PPP1R12A: variants seen among roughly 807,000 people sequenced by gnomAD.
PPP1R12A encodes the protein myosin binding subunit.
In PPP1R12A, 19 loss-of-function variants were observed where a neutral mutation model predicts 139.6. The observed-to-expected ratio is 0.14, with a 90% CI of 0.09 to 0.20. The LOEUF (loss-of-function observed/expected upper bound fraction) is 0.20. PPP1R12A is among the 10% of genes least tolerant of loss of function. The pLI is 1.00. For synonymous variants in PPP1R12A, 427 were observed against 420.6 expected (o/e 1.02, Z -0.19); for missense variants, 925 against 1,211.5 (o/e 0.76, Z 3.51).
intron 1 of PPP1R12A, among the ~76,000 whole-genome samples, chr12:79,906,549 C>A (rs1886133812): frequency 6.6e-6 from 1 of 151,982 alleles, no homozygotes; most frequent in African/African-American, 2.4e-5. Flanking sequence ...GGAAAAAAAG[C>A]AGCTTGCTTT....
chr12:79,813,123 T>C (rs1410526464), intron 9 of PPP1R12A, among the ~76,000 whole-genome samples: 1 of 152,216 alleles, frequency 6.6e-6, no homozygotes, highest in Non-Finnish European at 1.5e-5. Flanking sequence ...TATAAAAGTG[T>C]TATCCTACAG....
intron 1 of PPP1R12A, among the ~76,000 whole-genome samples, chr12:79,893,456 A>G (rs1238587902): frequency 1.3e-5 from 2 of 152,268 alleles, no homozygotes; most frequent in Admixed American, 6.5e-5. Flanking sequence ...AGGCTCTCAA[A>G]AGCAAGAACC....
intron 22 of PPP1R12A, among the ~76,000 whole-genome samples, chr12:79,785,590 C>T (rs546800460): frequency 1.3e-5 from 2 of 152,226 alleles, no homozygotes; most frequent in African/African-American, 4.8e-5. Flanking sequence ...TGCAGAAATA[C>T]GTTTATGCTA....
At chr12:79,839,543 G>A (rs1592695245) in intron 3 of PPP1R12A, among the ~76,000 whole-genome samples, 1 of 152,162 alleles carries the variant, frequency 6.6e-6, no homozygotes, top group African/African-American at 2.4e-5. Flanking sequence ...CAAGTCGTGG[G>A]AGGGACTCCG....
chr12:79,881,771 G>GC (rs1466410337), intron 1 of PPP1R12A, among the ~76,000 whole-genome samples: 5 of 152,160 alleles, frequency 3.3e-5, no homozygotes, highest in Non-Finnish European at 7.3e-5. Context: ...TCAATGCCTG[G>GC]CTTCAAAGTT....
At chr12:79,851,439 G>A (rs1290157312) in intron 2 of PPP1R12A, among the ~76,000 whole-genome samples, 2 of 152,154 alleles carry the variant, frequency 1.3e-5, no homozygotes, top group Non-Finnish European at 2.9e-5. Context: ...AAAAATAACA[G>A]TTCTTTTCTA....
chr12:79,897,768 T>C (rs1473694562), intron 1 of PPP1R12A, among the ~76,000 whole-genome samples: 3 of 152,204 alleles, frequency 2.0e-5, no homozygotes, highest in Non-Finnish European at 4.4e-5. Context: ...TCATTGTGAA[T>C]TCCTGACCCT....
At chr12:79,873,995 G>A (rs968997965) in intron 1 of PPP1R12A, among the ~76,000 whole-genome samples, 2 of 152,084 alleles carry the variant, frequency 1.3e-5, no homozygotes, top group African/African-American at 4.8e-5. Flanking sequence ...AGCAATTAAC[G>A]CCAGGCGCGG....
Position 79,786,368 on chromosome 12 carries a change from A to G in PPP1R12A, c.2907+6T>C. The G allele has an allele frequency of 6.6e-7, 1 of 1,511,880 alleles. No individual in the cohort carries two copies. Among genetic ancestry groups the G allele is most frequent in the South Asian group, 1.3e-5 (1 of 79,944 alleles). 93.7% of individuals were successfully genotyped at this position (1,511,880 alleles called of 1,614,324 possible). A position where few individuals can be genotyped will look rare whatever the true frequency, so the allele number is the denominator to read the frequency against. ...TTGAGAGTAACAAAAAGAAAAGGGT[A>G]CAAACCTGGGTGGCCTTTTCCAACT... On this transcript the variant is annotated splice_donor_region_variant and intron_variant, in intron 22 of 24. Transcript: ENST00000450142.
At chr12:79,915,210 T>G (rs1013728271) in intron 1 of PPP1R12A, among the ~76,000 whole-genome samples, 1 of 152,150 alleles carries the variant, frequency 6.6e-6, no homozygotes, top group African/African-American at 2.4e-5. Context: ...AGACTCCAAT[T>G]ACTATACTGT....
At chr12:79,803,101 T>G (rs992883072) in intron 14 of PPP1R12A, among the ~76,000 whole-genome samples, 21 of 152,342 alleles carry the variant, frequency 1.4e-4, no homozygotes, top group African/African-American at 5.0e-4. Context: ...CTAACTGAAA[T>G]ACATAAAATC....
intron 20 of PPP1R12A, 101 bp from the exon 21 acceptor site, chr12:79,788,884 G>A: frequency 3.1e-6 from 3 of 983,384 alleles, no homozygotes; most frequent in Non-Finnish European, 4.3e-6. Flanking sequence ...CAAAAGAGTA[G>A]GTCACAGTCT....
At chr12:79,832,207 A>G (rs3789989) in intron 4 of PPP1R12A, 125 bp downstream of exon 4, 28,795 of 846,852 alleles carry the variant, frequency 0.034, 2,672 homozygotes, top group East Asian at 0.33. Flanking sequence ...TTTCTTCCTG[A>G]AAACAGGCAT....
chr12:79,889,802 G>A (rs1352548028), intron 1 of PPP1R12A, among the ~76,000 whole-genome samples: 1 of 152,096 alleles, frequency 6.6e-6, no homozygotes, highest in Non-Finnish European at 1.5e-5. Context: ...CATAATTTTG[G>A]AGTCAGAAGT....
intron 1 of PPP1R12A, among the ~76,000 whole-genome samples, chr12:79,890,962 C>T (rs1272217524): frequency 2.0e-5 from 3 of 149,498 alleles, no homozygotes; most frequent in Non-Finnish European, 3.0e-5. Flanking sequence ...CTCTCTCTCT[C>T]TCTTTCTCTC....
At chr12:79,898,149 T>C (rs899889698) in intron 1 of PPP1R12A, among the ~76,000 whole-genome samples, 10 of 152,270 alleles carry the variant, frequency 6.6e-5, no homozygotes, top group South Asian at 2.1e-4. Flanking sequence ...ATCCCACTTA[T>C]AATAAATATC....
At chr12:79,801,059 T>C (rs951855099) in intron 14 of PPP1R12A, among the ~76,000 whole-genome samples, 1 of 151,320 alleles carries the variant, frequency 6.6e-6, no homozygotes, top group Admixed American at 6.6e-5. Context: ...AAAAGGCTCT[T>C]TCTTGGCTGG....
chr12:79,839,635 C>T (rs184483031), intron 3 of PPP1R12A, among the ~76,000 whole-genome samples: 15 of 152,226 alleles, frequency 9.9e-5, no homozygotes, highest in Middle Eastern at 3.4e-3. Context: ...CGAGATCTGA[C>T]GGTTTTAAAA....
chr12:79,911,089 C>CA (rs148210443), intron 1 of PPP1R12A, among the ~76,000 whole-genome samples: 2,843 of 152,264 alleles, frequency 0.019, 44 homozygotes, highest in Non-Finnish European at 0.027. Flanking sequence ...CCCCTACTAC[C>CA]AAATTAATCT....
Sources: allele counts gnomAD v4.1 joint callset (sites outside exome capture counted in the v4.1 genomes callset), GRCh38; gene constraint gnomAD v4.1.1; transcripts MANE v1.5; gene names NCBI Gene and HGNC (gene_info 2026-07-23, HGNC 2026-07-21).